Variants in FSTL5 observed in about 807,000 individuals in gnomAD.
FSTL5 encodes the protein follistatin like 5, also known as follistatin-related protein 5.
In FSTL5, 62 loss-of-function variants were observed where a neutral mutation model predicts 89.1. The observed-to-expected ratio is 0.70, with a 90% CI of 0.57 to 0.86. FSTL5 has a LOEUF of 0.86. Among genes scored for constraint, FSTL5 ranks in the 40% least tolerant of loss-of-function variants. The probability of loss-of-function intolerance (pLI) is 0.00; values close to 1 mark genes in which losing one functional copy is unlikely to be tolerated. For missense variants in FSTL5, 1,057 were observed against 1,001.6 expected (o/e 1.06, Z -0.75); for synonymous variants, 383 against 346.2 (o/e 1.11, Z -1.18).
At chr4:161,734,207 A>C (rs1579055928) in intron 6 of FSTL5, among the ~76,000 whole-genome samples, 1 of 152,298 alleles carries the variant, frequency 6.6e-6, no homozygotes, top group East Asian at 1.9e-4. Flanking sequence ...GTGAGTATTA[A>C]TGGGATTTTA....
intron 3 of FSTL5, among the ~76,000 whole-genome samples, chr4:161,930,975 G>A (rs1734269989): frequency 6.6e-6 from 1 of 151,860 alleles, no homozygotes; most frequent in Non-Finnish European, 1.5e-5. Flanking sequence ...ATACCACTAT[G>A]ATAAAAGAAG....
At chr4:161,873,595 A>AAT (rs141701026) in intron 4 of FSTL5, among the ~76,000 whole-genome samples, 127 of 140,982 alleles carry the variant, frequency 9.0e-4, no homozygotes, top group South Asian at 2.3e-3. Flanking sequence ...AAGATATTTA[A>AAT]ATATATATAT....
Position 161,900,321 on chromosome 4 carries a change from G to A in FSTL5, c.409+20083C>T, listed in dbSNP as rs542928924. Among the ~76,000 whole-genome samples the A allele has an allele frequency of 4.6e-5, 7 of 152,204 alleles. No individual in the cohort carries two copies. The East Asian group carries it at 5.8e-4, about 13-fold the overall frequency. On this transcript the variant is annotated intron_variant, in intron 4 of 15. Transcript: ENST00000306100. ...CAGTGAATGAAGCATAAAGAGCAACGGGAACAACTAAGGAAGTGGTTAGTA... is the reference window on the plus strand; with the variant it reads ...CAGTGAATGAAGCATAAAGAGCAACAGGAACAACTAAGGAAGTGGTTAGTA...
intron 4 of FSTL5, among the ~76,000 whole-genome samples, chr4:161,896,774 A>C (rs1334775538): frequency 6.6e-6 from 1 of 152,204 alleles, no homozygotes; most frequent in East Asian, 1.9e-4. Context: ...TTAAGACCTT[A>C]TGGAAAATAC....
chr4:161,966,424 T>C (rs1735329091), intron 3 of FSTL5, among the ~76,000 whole-genome samples: 2 of 152,108 alleles, frequency 1.3e-5, no homozygotes, highest in South Asian at 2.1e-4. Flanking sequence ...AAGCCTATTA[T>C]TGGCTGAATT....
chr4:161,666,541 T>A (rs1197554149), intron 6 of FSTL5, among the ~76,000 whole-genome samples: 1 of 152,134 alleles, frequency 6.6e-6, no homozygotes, highest in Non-Finnish European at 1.5e-5. Flanking sequence ...GCCATATCCC[T>A]TGTAGAAGCT....
chr4:161,978,082 T>G (rs1578912129), intron 3 of FSTL5, among the ~76,000 whole-genome samples: 1 of 152,344 alleles, frequency 6.6e-6, no homozygotes, highest in South Asian at 2.1e-4. Context: ...CAGATGCAAC[T>G]TACTGTGCCT....
At chr4:161,721,460 C>T (rs920651420) in intron 6 of FSTL5, among the ~76,000 whole-genome samples, 1 of 151,952 alleles carries the variant, frequency 6.6e-6, no homozygotes, top group African/African-American at 2.4e-5. Flanking sequence ...GTGAGGGTTA[C>T]ACACGTATAT....
intron 4 of FSTL5, among the ~76,000 whole-genome samples, chr4:161,779,768 T>A (rs1186443078): frequency 1.2e-4 from 2 of 16,726 alleles, no homozygotes; most frequent in African/African-American, 5.2e-4. Context: ...GTTATATATA[T>A]ATATATGTAT....
intron 2 of FSTL5, among the ~76,000 whole-genome samples, chr4:162,046,196 A>G (rs1158339402): frequency 6.6e-6 from 1 of 152,186 alleles, no homozygotes; most frequent in Non-Finnish European, 1.5e-5. Flanking sequence ...TTAACTATAA[A>G]TAACGTAGAT....
chr4:161,833,534 C>G (rs1730921602), intron 4 of FSTL5, among the ~76,000 whole-genome samples: 2 of 141,158 alleles, frequency 1.4e-5, no homozygotes, highest in Non-Finnish European at 3.1e-5. Flanking sequence ...TTGTAGGTCA[C>G]TCAGGACTTG....
At chr4:161,545,915 A>G (rs1405004733) in intron 8 of FSTL5, among the ~76,000 whole-genome samples, 1 of 152,002 alleles carries the variant, frequency 6.6e-6, no homozygotes, top group African/African-American at 2.4e-5. Flanking sequence ...CAATAAAAAT[A>G]AAAACAACAG....
intron 4 of FSTL5, among the ~76,000 whole-genome samples, chr4:161,831,655 T>C (rs933312539): frequency 1.3e-5 from 2 of 151,920 alleles, no homozygotes; most frequent in Non-Finnish European, 2.9e-5. Context: ...AGAATCTTTA[T>C]TCTAATATAT....
chr4:162,080,171 G>A (rs1401217055), intron 2 of FSTL5, among the ~76,000 whole-genome samples: 5 of 151,608 alleles, frequency 3.3e-5, no homozygotes. Flanking sequence ...ATTATTGTAT[G>A]TTTGATGGAT....
chr4:161,783,679 CTT>C (rs1560843642), intron 4 of FSTL5, among the ~76,000 whole-genome samples: 1 of 17,636 alleles, frequency 5.7e-5, no homozygotes, highest in East Asian at 1.8e-3. Context: ...CTTTCTTTCT[CTT>C]TCTTTCTTTC....
chr4:161,909,652 A>C (rs2110824244), intron 4 of FSTL5, among the ~76,000 whole-genome samples: 1 of 152,226 alleles, frequency 6.6e-6, no homozygotes, highest in Admixed American at 6.5e-5. Flanking sequence ...AGAATAACAC[A>C]TATTTATGCC....
chr4:161,526,488 A>G (rs1731223648), intron 10 of FSTL5, among the ~76,000 whole-genome samples: 1 of 152,176 alleles, frequency 6.6e-6, no homozygotes, highest in East Asian at 1.9e-4. Context: ...ATAGAAAAGT[A>G]TCTTTTAATA....
chr4:162,099,861 A>G (rs775926248), intron 2 of FSTL5, among the ~76,000 whole-genome samples: 2 of 152,190 alleles, frequency 1.3e-5, no homozygotes, highest in Non-Finnish European at 2.9e-5. Context: ...GGAATTGCAA[A>G]TTAAAACTAC....
At chr4:161,857,594 C>T (rs1384364650) in intron 4 of FSTL5, among the ~76,000 whole-genome samples, 1 of 152,092 alleles carries the variant, frequency 6.6e-6, no homozygotes, top group Non-Finnish European at 1.5e-5. Context: ...TGCAAGCCTA[C>T]ATGAGTAGAT....
Sources: allele counts gnomAD v4.1 joint callset (sites outside exome capture counted in the v4.1 genomes callset), GRCh38; gene constraint gnomAD v4.1.1; transcripts MANE v1.5; gene names NCBI Gene and HGNC (gene_info 2026-07-23, HGNC 2026-07-21).